THAP5: variants seen among roughly 807,000 people sequenced by gnomAD.
THAP5 encodes the protein THAP domain-containing protein 5.
A neutral mutation model predicts 34.0 loss-of-function variants in THAP5; 26 were observed. That is an observed-to-expected ratio of 0.77 (90% confidence interval 0.56 to 1.06). THAP5 has a LOEUF of 1.06. THAP5 is among the 50% of genes least tolerant of loss of function. THAP5 has a pLI of 0.00. For missense variants in THAP5, 394 were observed against 452.8 expected, an observed-to-expected ratio of 0.87 and a Z score of 1.18; for synonymous variants, 125 against 153.0, an observed-to-expected ratio of 0.82 and a Z score of 1.35.
rs1395098178 is a variant in THAP5 at position 108,564,991 on chromosome 7, T to C, written c.388A>G (p.Ile130Val). The C allele has an allele frequency of 9.0e-6, 14 of 1,552,514 alleles. No homozygotes were observed. Among genetic ancestry groups the C allele is most frequent in the Non-Finnish European group, 3.5e-6 (4 of 1,147,224 alleles). Residue 130 changes from isoleucine (I) to valine (V), a missense_variant, in exon 3 of 3, where the codon ATA (isoleucine) becomes GTA (valine). Physicochemically the swap from Ile to Val is conservative, Grantham distance 29 (BLOSUM62 3). Coordinates refer to ENST00000415914, the MANE Select transcript of THAP5 (RefSeq NM_001130475.3). ...TGATGGGGCACATCTGTGTTAACTATATTTTTCTTTGTCTCATTTAATACA... is the reference window on the plus strand; with the variant it reads ...TGATGGGGCACATCTGTGTTAACTACATTTTTCTTTGTCTCATTTAATACA... Reference protein sequence around the residue: ...SFVLNETKKNIVNTDVPHQHP... With the variant: ...SFVLNETKKNVVNTDVPHQHP...
At chr7:108,542,555 T>A in the THAP5 span, among the ~76,000 whole-genome samples, 1 of 151,066 alleles carries the variant, frequency 6.6e-6, no homozygotes, top group African/African-American at 2.4e-5. Flanking sequence ...CTCCACCTCC[T>A]GGGTTCAAGC....
At chr7:108,561,931 C>T (rs1352302182), downstream of THAP5, among the ~76,000 whole-genome samples, 1 of 152,106 alleles carries the variant, frequency 6.6e-6, no homozygotes, top group Non-Finnish European at 1.5e-5. Flanking sequence ...TATTATGGTC[C>T]AGAAAGTCAG....
chr7:108,545,432 G>A, the THAP5 span, among the ~76,000 whole-genome samples: 2 of 152,218 alleles, frequency 1.3e-5, no homozygotes, highest in African/African-American at 2.4e-5. Context: ...ACAATTTGCT[G>A]TCAGTTCCAT....
chr7:108,555,168 ATTT>A (rs35410470), intron 1 of THAP5, among the ~76,000 whole-genome samples: 1 of 146,708 alleles, frequency 6.8e-6, no homozygotes, highest in Non-Finnish European at 1.5e-5. Context: ...TACAAACAAC[ATTT>A]TTTTTTTTTT....
downstream of THAP5, among the ~76,000 whole-genome samples, chr7:108,554,359 GAGT>G (rs974038134): frequency 6.6e-6 from 1 of 152,090 alleles, no homozygotes; most frequent in Non-Finnish European, 1.5e-5. Flanking sequence ...TCATTGATTA[GAGT>G]AGATTTTTCA....
At chr7:108,551,842 C>T (rs978462635), downstream of THAP5, among the ~76,000 whole-genome samples, 4 of 152,200 alleles carry the variant, frequency 2.6e-5, no homozygotes, top group South Asian at 2.1e-4. Context: ...AAACTTCCCA[C>T]GTGATTTTAA....
chr7:108,548,805 C>T, the THAP5 span, among the ~76,000 whole-genome samples: 1 of 152,164 alleles, frequency 6.6e-6, no homozygotes, highest in Non-Finnish European at 1.5e-5. Flanking sequence ...TTACCTCCCA[C>T]TGGTCCCACC....
the THAP5 span, among the ~76,000 whole-genome samples, chr7:108,542,392 A>C: frequency 6.6e-6 from 1 of 152,154 alleles, no homozygotes; most frequent in African/African-American, 2.4e-5. Flanking sequence ...CAAGCATTTT[A>C]TTATATTTCA....
chr7:108,546,618 TC>T, the THAP5 span, among the ~76,000 whole-genome samples: 6 of 152,184 alleles, frequency 3.9e-5, no homozygotes, highest in Non-Finnish European at 8.8e-5. Flanking sequence ...AAGCAAGTTT[TC>T]CCATATCAAG....
At chr7:108,567,419 A>G (rs1790508927) in intron 1 of THAP5, among the ~76,000 whole-genome samples, 1 of 152,188 alleles carries the variant, frequency 6.6e-6, no homozygotes, top group African/African-American at 2.4e-5. Flanking sequence ...AAATTCATGT[A>G]TATGGATGCT....
the THAP5 span, among the ~76,000 whole-genome samples, chr7:108,545,338 C>T: frequency 0.015 from 2,319 of 152,190 alleles, 28 homozygotes; most frequent in Middle Eastern, 0.031. Flanking sequence ...AATTGTAAAC[C>T]GCAAATTTTT....
rs1469776644 is a variant in THAP5 at position 108,564,563 on chromosome 7, A to C, written c.816T>G (p.Ile272Met). ...AATTTTCAGCAGGTACAAAAATGGC[A>C]ATAACAGATTCTTTATTTGTGTTTA... ...EELNTNKESV[I>M]AIFVPAENSK... is the part of the protein sequence containing the mutation. The change falls in exon 3 of 3, where the codon ATT becomes ATG. Residue 272 changes from isoleucine to methionine, a missense_variant. Physicochemically the swap from Ile to Met is conservative, Grantham distance 10 (BLOSUM62 1). Transcript: ENST00000415914. 10 of 1,613,862 alleles carry C rather than the reference A, an allele frequency of 6.2e-6. No homozygotes were observed. In the South Asian group the frequency reaches 1.1e-4, roughly 18 times the overall value.
downstream of THAP5, among the ~76,000 whole-genome samples, chr7:108,558,065 C>T (rs111530625): frequency 3.3e-5 from 5 of 151,872 alleles, no homozygotes; most frequent in East Asian, 3.9e-4. Context: ...AACCACATCT[C>T]GTGGAAACTC....
downstream of THAP5, among the ~76,000 whole-genome samples, chr7:108,560,755 T>C (rs1864421888): frequency 6.6e-6 from 1 of 152,230 alleles, no homozygotes; most frequent in African/African-American, 2.4e-5. Flanking sequence ...ACTTTTTTTC[T>C]TTTGTGACAG....
At chr7:108,562,072 G>A (rs1864439456), downstream of THAP5, among the ~76,000 whole-genome samples, 1 of 152,120 alleles carries the variant, frequency 6.6e-6, no homozygotes, top group Admixed American at 6.5e-5. Flanking sequence ...CATTTCCTTT[G>A]CGTGTCATGT....
chr7:108,550,972 C>A (rs1188429213), downstream of THAP5, among the ~76,000 whole-genome samples: 1 of 152,144 alleles, frequency 6.6e-6, no homozygotes. Context: ...ATTCCTTCAA[C>A]TTTAATCTTC....
At chr7:108,552,572 C>A (rs1429385749), downstream of THAP5, among the ~76,000 whole-genome samples, 1 of 152,148 alleles carries the variant, frequency 6.6e-6, no homozygotes, top group Non-Finnish European at 1.5e-5. Flanking sequence ...GACCAAGGGG[C>A]ATGGATCACC....
intron 1 of THAP5, 114 bp downstream of exon 1, chr7:108,569,376 C>G: frequency 6.6e-7 from 1 of 1,521,662 alleles, no homozygotes; most frequent in South Asian, 1.2e-5. Flanking sequence ...CGACGGGCCA[C>G]GTACGGAGAG....
Position 108,569,564 on chromosome 7 carries a change from G to T in THAP5, c.6C>A (p.Pro2=). 6.4e-7 allele frequency: 1 copy of T among 1,551,554 alleles called. No homozygotes were observed. Among genetic ancestry groups the T allele is most frequent in the South Asian group, 1.2e-5 (1 of 84,058 alleles). ...TACAACAAATCGCTGCGCAATAGCG[G>T]GGCATGACTCGGGTGAGGCCCCTGG... M[P]RYCAAICCKN... The change falls in exon 1 of 3, where the codon CCC becomes CCA. Residue 2 remains proline, a synonymous_variant. Transcript: ENST00000415914.
Sources: gnomAD v4.1 joint callset for allele counts (sites outside exome capture counted in the v4.1 genomes callset) on GRCh38, gnomAD v4.1.1 for gene constraint, MANE v1.5 for transcripts, NCBI Gene and HGNC (gene_info 2026-07-23, HGNC 2026-07-21) for gene names.